TENT2: variants seen among roughly 807,000 people sequenced by gnomAD.
TENT2 encodes the protein poly(A) RNA polymerase GLD2.
In TENT2, 44 loss-of-function variants were observed where a neutral mutation model predicts 72.2. That is an observed-to-expected ratio of 0.61 (90% CI 0.48 to 0.78). The LOEUF (loss-of-function observed/expected upper bound fraction) is 0.78. Ranked by LOEUF, TENT2 falls within the 30% of genes least tolerant of loss-of-function variation. The pLI, the probability that TENT2 is intolerant of heterozygous loss-of-function variation, is 0.00. For synonymous variants in TENT2, 212 were observed against 192.5 expected, an observed-to-expected ratio of 1.10 and a Z score of -0.84; for missense variants, 541 against 569.6, an observed-to-expected ratio of 0.95 and a Z score of 0.51.
intron 10 of TENT2, among the ~76,000 whole-genome samples, chr5:79,653,126 ACTT>A (rs1795418946): frequency 6.6e-6 from 1 of 152,132 alleles, no homozygotes; most frequent in Admixed American, 6.6e-5. Context: ...AGTTTGACTG[ACTT>A]CTTTAGAAAA....
chr5:79,620,013 T>G lies in TENT2; in HGVS notation c.157T>G (p.Leu53Val). 6.2e-7 allele frequency: 1 copy of G among 1,610,462 alleles called. No individual in the cohort carries two copies. ...TGTTAGCTTGTCTAGAGCTGTGTCATTACAGCAGCTGACATATGGAAATGT... is the reference window on the plus strand; with the variant it reads ...TGTTAGCTTGTCTAGAGCTGTGTCAGTACAGCAGCTGACATATGGAAATGT... The part of the protein sequence containing the change: ...QNADLSRAVS[L>V]QQLTYGNVSP... Residue 53 changes from leucine (L) to valine (V), a missense_variant, in exon 3 of 15, where the codon TTA (leucine) becomes GTA (valine). Coordinates refer to ENST00000453514, the MANE Select transcript of TENT2 (RefSeq NM_001114394.3).
intron 11 of TENT2, among the ~76,000 whole-genome samples, chr5:79,664,289 A>G (rs764995778): frequency 2.1e-4 from 32 of 152,302 alleles, no homozygotes; most frequent in Non-Finnish European, 3.7e-4. Context: ...GAAACAGGCT[A>G]TAAATGAATA....
intron 12 of TENT2, among the ~76,000 whole-genome samples, chr5:79,678,316 C>A (rs962855172): frequency 2.0e-5 from 3 of 151,962 alleles, no homozygotes; most frequent in Non-Finnish European, 2.9e-5. Context: ...TGATTATATT[C>A]TTAGAAATTC....
At chr5:79,666,274 C>CCA (rs1807814777) in intron 11 of TENT2, among the ~76,000 whole-genome samples, 2 of 152,238 alleles carry the variant, frequency 1.3e-5, no homozygotes, top group South Asian at 4.1e-4. Context: ...CAGGCATGAG[C>CCA]CACTGTGTCA....
At chr5:79,681,322 G>A (rs928149183) in intron 13 of TENT2, among the ~76,000 whole-genome samples, 1 of 151,558 alleles carries the variant, frequency 6.6e-6, no homozygotes, top group Non-Finnish European at 1.5e-5. Flanking sequence ...ACCATGCCCA[G>A]CTAATTTTTG....
intron 10 of TENT2, among the ~76,000 whole-genome samples, chr5:79,650,546 T>C (rs900329672): frequency 6.6e-6 from 1 of 152,102 alleles, no homozygotes; most frequent in African/African-American, 2.4e-5. Context: ...ATTGCATTGT[T>C]TGGTGCTCCT....
chr5:79,686,959 C>T lies in TENT2; in HGVS notation c.*1686C>T, dbSNP rs1285936253. Among the ~76,000 whole-genome samples the T allele has an allele frequency of 6.6e-6, 1 of 152,076 alleles. No individual in the cohort carries two copies. The highest frequency in any genetic ancestry group is 2.4e-5 in the African/African-American group (1 of 41,416). On this transcript the variant is annotated 3_prime_UTR_variant, in exon 15 of 15. Transcript: ENST00000453514. The stretch of plus-strand genomic sequence containing the variant: ...GTGATGACTGGGTAATCATTATAAG[C>T]ATTAGTCATAGTACTATTCAGTAAT...
intron 1 of TENT2, 148 bp from the exon 2 acceptor site, chr5:79,619,464 A>T: frequency 2.1e-6 from 1 of 468,396 alleles, no homozygotes; most frequent in Non-Finnish European, 3.7e-6. Flanking sequence ...TTTGTTACCT[A>T]CAGTGGCACT....
Position 79,623,257 on chromosome 5 carries a change from T to A in TENT2, c.233T>A (p.Leu78Ter), listed in dbSNP as rs761837261. 3 of 1,611,216 alleles carry A rather than the reference T, an allele frequency of 1.9e-6. No individual in the cohort carries two copies. The South Asian group carries it at 3.3e-5, about 18-fold the overall frequency. Residue 78 changes from leucine to a stop codon, truncating the protein, a stop_gained, in exon 4 of 15, where the codon TTA becomes TAA. Transcript: ENST00000453514. LOFTEE classifies it high-confidence loss of function. Reference protein sequence around the residue: ...ASPLFRGRKRLSDEKNLPLDG... With the variant: ...ASPLFRGRKR ...GGTATATTGCTTGTTTTCAGGAGAT[T>A]AAGCGATGAAAAAAACCTTCCTCTT...
chr5:79,631,902 A>G (rs998917431), intron 4 of TENT2, among the ~76,000 whole-genome samples: 1 of 152,204 alleles, frequency 6.6e-6, no homozygotes, highest in Admixed American at 6.5e-5. Flanking sequence ...GAGGATAGGT[A>G]TAGATACAGG....
chr5:79,628,753 A>G (rs1312256114), intron 4 of TENT2, among the ~76,000 whole-genome samples: 3 of 152,232 alleles, frequency 2.0e-5, no homozygotes, highest in Admixed American at 1.3e-4. Context: ...CAGAAACTTC[A>G]TGTTCTGCAA....
At chr5:79,682,795 TTATG>T (rs1366767106) in intron 14 of TENT2, among the ~76,000 whole-genome samples, 2 of 152,122 alleles carry the variant, frequency 1.3e-5, no homozygotes, top group Admixed American at 1.3e-4. Flanking sequence ...AAGTTAAAAT[TTATG>T]TATATGTCTG....
chr5:79,668,304 C>A (rs1332833905), intron 11 of TENT2, among the ~76,000 whole-genome samples: 7 of 151,994 alleles, frequency 4.6e-5, no homozygotes, highest in African/African-American at 1.4e-4. Context: ...ATTTTCCCTG[C>A]CTTCTTTGTC....
chr5:79,663,047 G>T (rs1178634905), intron 11 of TENT2, among the ~76,000 whole-genome samples: 1 of 152,132 alleles, frequency 6.6e-6, no homozygotes, highest in Non-Finnish European at 1.5e-5. Context: ...TGTTCACTTT[G>T]TAATTTTATG....
chr5:79,662,180 C>T (rs1803519764), intron 11 of TENT2, among the ~76,000 whole-genome samples: 1 of 152,192 alleles, frequency 6.6e-6, no homozygotes. Flanking sequence ...CATGAAATTG[C>T]AGCAGTTCAG....
At chr5:79,649,629 A>G (rs965078699) in intron 10 of TENT2, among the ~76,000 whole-genome samples, 1 of 152,084 alleles carries the variant, frequency 6.6e-6, no homozygotes, top group African/African-American at 2.4e-5. Context: ...TTTTATCTTC[A>G]TAGGGCTGTT....
intron 4 of TENT2, among the ~76,000 whole-genome samples, chr5:79,634,839 A>G (rs57950148): frequency 0.018 from 2,768 of 151,718 alleles, 95 homozygotes; most frequent in African/African-American, 0.062. Flanking sequence ...CTTTATATAT[A>G]TGTTGTTGGA....
rs750918641 is a variant in TENT2, at chr5:79,682,824, A to G, written c.1380+763A>G. ...GTATATGTCTGTGTTTATAGTATGA[A>G]TTTATTCATCAGTGATGTTGCTAGA... is the stretch of plus-strand genomic sequence containing the variant. On this transcript the variant is annotated intron_variant, in intron 14 of 14. Coordinates refer to ENST00000453514, the MANE Select transcript of TENT2 (RefSeq NM_001114394.3). 1.3e-3 allele frequency among the ~76,000 whole-genome samples: 202 copies of G among 152,232 alleles called. 2 individuals are homozygous for G. The highest frequency in any genetic ancestry group is 2.5e-4 in the Non-Finnish European group (17 of 68,014).
intron 4 of TENT2, among the ~76,000 whole-genome samples, chr5:79,637,514 C>T (rs1781056921): frequency 6.6e-6 from 1 of 152,130 alleles, no homozygotes; most frequent in African/African-American, 2.4e-5. Flanking sequence ...GCAACCTCGA[C>T]CTCCCAGGCT....
Sources: allele counts gnomAD v4.1 joint callset (sites outside exome capture counted in the v4.1 genomes callset), GRCh38; gene constraint gnomAD v4.1.1; transcripts MANE v1.5; gene names NCBI Gene and HGNC (gene_info 2026-07-23, HGNC 2026-07-21).